Variants in RBM20 observed in about 807,000 individuals in gnomAD.
The protein encoded by RBM20 is RNA binding motif protein 20.
A neutral mutation model predicts 110.1 loss-of-function variants in RBM20; 51 were observed. That is an observed-to-expected ratio of 0.46 (90% confidence interval 0.37 to 0.59). The LOEUF (loss-of-function observed/expected upper bound fraction) is 0.59. RBM20 is among the 20% of genes least tolerant of loss of function. The pLI is 0.00. For missense variants in RBM20, 1,512 were observed against 1,574.9 expected (o/e 0.96, Z 0.68); for synonymous variants, 589 against 618.2 (o/e 0.95, Z 0.70).
At chr10:110,671,078 C>T (rs927973134) in intron 1 of RBM20, among the ~76,000 whole-genome samples, 2 of 152,230 alleles carry the variant, frequency 1.3e-5, no homozygotes, top group African/African-American at 2.4e-5. Context: ...GTGGCTGCCT[C>T]GAAGCCCCCA....
At chr10:110,679,003 G>A (rs943390176) in intron 1 of RBM20, among the ~76,000 whole-genome samples, 1 of 152,152 alleles carries the variant, frequency 6.6e-6, no homozygotes, top group Non-Finnish European at 1.5e-5. Flanking sequence ...TCAAATCCAG[G>A]ATACTCTGCT....
chr10:110,747,143 T>G (rs76944755), intron 1 of RBM20, among the ~76,000 whole-genome samples: 2,334 of 152,326 alleles, frequency 0.015, 70 homozygotes, highest in East Asian at 0.084. Flanking sequence ...TTCTGTACTA[T>G]TTTTGCAACT....
intron 13 of RBM20, among the ~76,000 whole-genome samples, chr10:110,831,683 A>AC (rs1845057109): frequency 3.1e-5 from 2 of 64,874 alleles, no homozygotes; most frequent in South Asian, 9.7e-4. Flanking sequence ...AAAAAAAAAA[A>AC]AAAAAAAACA....
At chr10:110,786,674 GC>G (rs1159320605) in intron 5 of RBM20, among the ~76,000 whole-genome samples, 1 of 152,244 alleles carries the variant, frequency 6.6e-6, no homozygotes, top group Non-Finnish European at 1.5e-5. Flanking sequence ...ATTCAGTGAG[GC>G]CTGTCCTCTG....
chr10:110,751,447 C>G (rs991263311), intron 1 of RBM20, among the ~76,000 whole-genome samples: 2 of 152,186 alleles, frequency 1.3e-5, no homozygotes, highest in African/African-American at 4.8e-5. Context: ...AAACATGCCC[C>G]CCATGTCTTT....
chr10:110,768,212 A>T (rs992972440), intron 1 of RBM20, among the ~76,000 whole-genome samples: 2 of 151,850 alleles, frequency 1.3e-5, no homozygotes, highest in Non-Finnish European at 2.9e-5. Context: ...CATCAGAGGT[A>T]GACCGTGGAA....
intron 1 of RBM20, among the ~76,000 whole-genome samples, chr10:110,741,629 C>T (rs1225861480): frequency 2.6e-5 from 4 of 152,212 alleles, no homozygotes; most frequent in African/African-American, 9.7e-5. Flanking sequence ...GACTGCCCCA[C>T]CAAGCCTTCT....
At chr10:110,674,825 C>T (rs924828882) in intron 1 of RBM20, among the ~76,000 whole-genome samples, 1 of 152,184 alleles carries the variant, frequency 6.6e-6, no homozygotes, top group African/African-American at 2.4e-5. Flanking sequence ...AGAATTCTCC[C>T]ACCGGAGGAT....
intron 1 of RBM20, among the ~76,000 whole-genome samples, chr10:110,701,435 C>T (rs942807894): frequency 2.6e-5 from 4 of 152,210 alleles, no homozygotes; most frequent in Admixed American, 1.3e-4. Context: ...GCCTGGACCA[C>T]GGGGAACATG....
At chr10:110,651,116 A>T (rs1371708655) in intron 1 of RBM20, among the ~76,000 whole-genome samples, 1 of 152,222 alleles carries the variant, frequency 6.6e-6, no homozygotes, top group African/African-American at 2.4e-5. Context: ...TCTTCCAAGA[A>T]TAAAATTAGG....
At position 110,667,214 on chromosome 10, in the gene RBM20, G is replaced by T. The variant is rs141385744; in HGVS notation, c.191+22569G>T. On this transcript the variant is annotated intron_variant, in intron 1 of 13. Transcript: ENST00000369519. ...TTCATTTAGAAAAGAAGACTGCAGTGCATTCACCAAGATCCTAAGAATCCC... is the reference window on the plus strand; with the variant it reads ...TTCATTTAGAAAAGAAGACTGCAGTTCATTCACCAAGATCCTAAGAATCCC... Among the ~76,000 whole-genome samples the T allele has an allele frequency of 7.2e-5, 11 of 152,320 alleles. No homozygotes were observed. The East Asian group carries it at 2.1e-3, about 29-fold the overall frequency.
intron 1 of RBM20, among the ~76,000 whole-genome samples, chr10:110,712,690 C>G (rs1862952958): frequency 6.6e-6 from 1 of 152,178 alleles, no homozygotes; most frequent in African/African-American, 2.4e-5. Context: ...TCGCTTGAAC[C>G]TGGGAAGCAG....
At chr10:110,648,599 C>T (rs1259669671) in intron 1 of RBM20, among the ~76,000 whole-genome samples, 1 of 152,130 alleles carries the variant, frequency 6.6e-6, no homozygotes, top group Non-Finnish European at 1.5e-5. Flanking sequence ...AATAGGAATA[C>T]ACTTGTAGAA....
chr10:110,772,716 C>CTG (rs1844209651), intron 1 of RBM20, among the ~76,000 whole-genome samples: 1 of 152,208 alleles, frequency 6.6e-6, no homozygotes, highest in Admixed American at 6.5e-5. Context: ...CAGCACATGA[C>CTG]TGTATATATA....
chr10:110,662,980 T>A (rs1340028144), intron 1 of RBM20, among the ~76,000 whole-genome samples: 2 of 152,036 alleles, frequency 1.3e-5, no homozygotes, highest in Non-Finnish European at 2.9e-5. Flanking sequence ...TTCTTTTTTT[T>A]TTAAGACAGA....
At chr10:110,673,048 G>T (rs1271269084) in intron 1 of RBM20, among the ~76,000 whole-genome samples, 1 of 151,870 alleles carries the variant, frequency 6.6e-6, no homozygotes, top group Non-Finnish European at 1.5e-5. Context: ...GAATATTTAG[G>T]TGTTTTTTTA....
At position 110,712,665 on chromosome 10, in the gene RBM20, G is replaced by A. The variant is rs192847981; in HGVS notation, c.191+68020G>A. Among the ~76,000 whole-genome samples the A allele has an allele frequency of 1.1e-3, 167 of 152,304 alleles. 5 individuals carry two copies. The East Asian group carries it at 0.03, about 27-fold the overall frequency. ...GCCTTTAATCCCAGCTACTCGGGAG[G>A]CTGAGGCAGGAGAATCGCTTGAACC... On this transcript the variant is annotated intron_variant, in intron 1 of 13. Coordinates refer to ENST00000369519, the MANE Select transcript of RBM20 (RefSeq NM_001134363.3).
chr10:110,755,735 T>C (rs1843912626), intron 1 of RBM20, among the ~76,000 whole-genome samples: 1 of 152,210 alleles, frequency 6.6e-6, no homozygotes, highest in Non-Finnish European at 1.5e-5. Context: ...TGGTTGCACA[T>C]TAACACTGGG....
chr10:110,783,416 C>G lies in RBM20; in HGVS notation c.1326C>G (p.Val442=), dbSNP rs147650685. Residue 442 remains valine, a synonymous_variant, in exon 3 of 14, where the codon GTC becomes GTG. Coordinates refer to ENST00000369519, the MANE Select transcript of RBM20 (RefSeq NM_001134363.3). ...KGKLHAQKCL[V]FSENAGIRCI... ...AGCTGCACGCTCAGAAATGCCTGGT[C>G]TTCTCTGAAAAGTAAGTGCTGTTCA... is the stretch of plus-strand genomic sequence containing the variant. 6.4e-7 allele frequency: 1 copy of G among 1,550,912 alleles called. No individual in the cohort carries two copies. Among genetic ancestry groups the G allele is most frequent in the Non-Finnish European group, 8.7e-7 (1 of 1,146,416 alleles).
Sources: allele counts gnomAD v4.1 joint callset (sites outside exome capture counted in the v4.1 genomes callset), GRCh38; gene constraint gnomAD v4.1.1; transcripts MANE v1.5; gene names NCBI Gene and HGNC (gene_info 2026-07-23, HGNC 2026-07-21).